DNAH3: variants seen among roughly 807,000 people sequenced by gnomAD.
DNAH3 encodes the protein axonemal beta dynein heavy chain 3.
In DNAH3, 332 loss-of-function variants were observed where a neutral mutation model predicts 432.5. That is an observed-to-expected ratio of 0.77 (90% CI 0.70 to 0.84). The LOEUF (loss-of-function observed/expected upper bound fraction) is 0.84, where lower values mean the gene tolerates loss of function less well. DNAH3 is among the 40% of genes least tolerant of loss of function. The pLI is 0.00. For missense variants in DNAH3, 4,861 were observed against 5,114.0 expected, an observed-to-expected ratio of 0.95 and a Z score of 1.51; for synonymous variants, 1,956 against 1,900.2, an observed-to-expected ratio of 1.03 and a Z score of -0.76.
At chr16:21,077,372 A>G (rs901717879) in intron 20 of DNAH3, among the ~76,000 whole-genome samples, 2 of 152,050 alleles carry the variant, frequency 1.3e-5, no homozygotes, top group Admixed American at 1.3e-4. Context: ...CATATTGGCC[A>G]CGCTGGTCTT....
At chr16:21,092,698 CAAAAAA>C (rs61277332) in intron 18 of DNAH3, among the ~76,000 whole-genome samples, 16 of 11,536 alleles carry the variant, frequency 1.4e-3, no homozygotes, top group Non-Finnish European at 2.1e-3. Context: ...AAAATATTTG[CAAAAAA>C]AAAAAAAAAA....
chr16:21,102,128 G>C (rs1317795642), intron 16 of DNAH3, among the ~76,000 whole-genome samples: 2 of 152,170 alleles, frequency 1.3e-5, no homozygotes, highest in Non-Finnish European at 2.9e-5. Flanking sequence ...AAGGTTCACC[G>C]AAGAGAGGGG....
intron 9 of DNAH3, among the ~76,000 whole-genome samples, chr16:21,124,622 A>G (rs924660883): frequency 2.8e-4 from 43 of 151,774 alleles, no homozygotes; most frequent in Non-Finnish European, 5.3e-4. Context: ...GGTAATTAGC[A>G]TATCTATCAT....
At chr16:21,141,895 T>C (rs2092723758) in intron 3 of DNAH3, among the ~76,000 whole-genome samples, 1 of 146,066 alleles carries the variant, frequency 6.8e-6, no homozygotes, top group Admixed American at 6.9e-5. Flanking sequence ...TACTGAAAAA[T>C]ACAAAAATTA....
chr16:21,098,513 T>A, intron 17 of DNAH3, 103 bp downstream of exon 17: 1 of 1,107,658 alleles, frequency 9.0e-7, no homozygotes, highest in Non-Finnish European at 1.3e-6. Context: ...TAACCAATAC[T>A]ATCCACCTAG....
At chr16:21,149,485 C>T (rs899183694) in intron 1 of DNAH3, among the ~76,000 whole-genome samples, 2 of 152,176 alleles carry the variant, frequency 1.3e-5, no homozygotes, top group Non-Finnish European at 1.5e-5. Flanking sequence ...CAGCTTATTG[C>T]TGATTACACA....
At chr16:21,097,390 T>A (rs146707068) in exon 18 of DNAH3, 12 of 1,613,898 alleles carry the variant, frequency 7.4e-6, no homozygotes, top group Admixed American at 1.7e-5. Flanking sequence ...GCTGAACTCA[T>A]AGGCTGTCGA....
At chr16:21,081,760 G>A (rs762270022) in intron 19 of DNAH3, 33 bp from the exon 20 acceptor site, 1 of 1,573,944 alleles carries the variant, frequency 6.4e-7, no homozygotes, top group Non-Finnish European at 8.7e-7. Context: ...AATGTTTGTT[G>A]TCCGAGGCAG....
chr16:20,985,775 G>T, intron 47 of DNAH3, 60 bp from the exon 48 acceptor site: 3 of 1,548,412 alleles, frequency 1.9e-6, no homozygotes, highest in East Asian at 2.3e-5. Flanking sequence ...GGCTGGTAGG[G>T]ACATCATGGA....
chr16:20,989,643 C>T (rs1373580065), intron 44 of DNAH3, among the ~76,000 whole-genome samples: 1 of 152,234 alleles, frequency 6.6e-6, no homozygotes, highest in Non-Finnish European at 1.5e-5. Flanking sequence ...GGTACGCTCG[C>T]ACTCCTCAGC....
In DNAH3 at chr16:20,987,518, G is replaced by A. The variant is rs2086257057; in HGVS notation, c.6883-70C>T. On this transcript the variant is annotated intron_variant, in intron 46 of 61. Coordinates refer to ENST00000261383, the Ensembl canonical transcript of DNAH3. The stretch of plus-strand genomic sequence containing the variant: ...CTGAGGTGGTAGTTCTCAGTAGTAG[G>A]TAAGTCCTGGGGTTGATTTGAGGAT... 1.9e-6 allele frequency: 3 copies of A among 1,590,142 alleles called. No individual in the cohort carries two copies. The East Asian group carries it at 6.7e-5, about 36-fold the overall frequency.
At chr16:20,959,610 A>AACACACACACACACACAC (rs55757849) in intron 53 of DNAH3, among the ~76,000 whole-genome samples, 1 of 137,560 alleles carries the variant, frequency 7.3e-6, no homozygotes, top group Non-Finnish European at 1.6e-5. Context: ...TCTCTATTTA[A>AACACACACACACACACAC]ACACACACAC....
At chr16:20,959,129 A>G in intron 54 of DNAH3, 50 bp downstream of exon 54, 1 of 1,567,236 alleles carries the variant, frequency 6.4e-7, no homozygotes, top group Non-Finnish European at 8.8e-7. Flanking sequence ...CACCATCCTG[A>G]TGTCTGGAGG....
At chr16:21,040,707 A>G (rs4457979) in intron 32 of DNAH3, among the ~76,000 whole-genome samples, 5 of 152,118 alleles carry the variant, frequency 3.3e-5, no homozygotes, top group Admixed American at 2.6e-4. Context: ...ACCGACTAGC[A>G]TGGGCAAGTT....
At chr16:21,101,611 T>C (rs954108464) in intron 16 of DNAH3, among the ~76,000 whole-genome samples, 5 of 152,084 alleles carry the variant, frequency 3.3e-5, no homozygotes, top group African/African-American at 9.7e-5. Context: ...GGGTGAGATA[T>C]GGATAGGATT....
chr16:20,970,863 C>CTTTTTTTTT (rs869203073), intron 51 of DNAH3, among the ~76,000 whole-genome samples: 5 of 124,090 alleles, frequency 4.0e-5, no homozygotes, highest in South Asian at 2.6e-4. Flanking sequence ...TTTCTCTATT[C>CTTTTTTTTT]TTTTTTTTTT....
intron 40 of DNAH3, 78 bp from the exon 41 acceptor site, chr16:21,019,947 C>A: frequency 6.4e-7 from 1 of 1,553,246 alleles, no homozygotes; most frequent in Non-Finnish European, 8.7e-7. Context: ...GTTGGCTTTG[C>A]CTTTGAAGGG....
chr16:21,067,769 T>TGGGG (rs2090613226), intron 23 of DNAH3, among the ~76,000 whole-genome samples: 1 of 21,680 alleles, frequency 4.6e-5, no homozygotes, highest in Non-Finnish European at 8.2e-5. Flanking sequence ...GGGGGGGGGG[T>TGGGG]GGGGAGGGAG....
At position 21,019,827 on chromosome 16, in the gene DNAH3, T is replaced by TCACCTAATTC; in HGVS notation, c.5809_5818dup (p.Glu1940GlyfsTer4). The TCACCTAATTC allele has an allele frequency of 6.2e-7, 1 of 1,614,106 alleles. No individual in the cohort carries two copies. The highest frequency in any genetic ancestry group is 8.5e-7 in the Non-Finnish European group (1 of 1,180,038). The stretch of plus-strand genomic sequence containing the variant: ...AAAGATCTGTTGACTTGACAGGCCT[T>TCACCTAATTC]CACCTAATTCCATTTCCTCCTCTTC... On this transcript the variant is annotated stop_gained and frameshift_variant, in exon 41 of 62. Transcript: ENST00000261383. LOFTEE classifies it high-confidence loss of function.
Sources: allele counts gnomAD v4.1 joint callset (sites outside exome capture counted in the v4.1 genomes callset), GRCh38; gene constraint gnomAD v4.1.1; transcripts MANE v1.5; gene names NCBI Gene and HGNC (gene_info 2026-07-23, HGNC 2026-07-21).